CA10: variants seen among roughly 807,000 people sequenced by gnomAD.
CA10 encodes carbonic anhydrase-related protein 10.
A neutral mutation model predicts 44.2 loss-of-function variants in CA10; 14 were observed. The ratio of observed to expected loss-of-function variants is 0.32; its 90% CI spans 0.21 to 0.50. The LOEUF is 0.50. Ranked by LOEUF, CA10 falls within the 20% of genes least tolerant of loss-of-function variation. The pLI is 0.99. For missense variants in CA10, 350 were observed against 409.7 expected (o/e 0.85, Z 1.26); for synonymous variants, 159 against 141.6 (o/e 1.12, Z -0.87).
intron 1 of CA10, among the ~76,000 whole-genome samples, chr17:52,099,075 T>A (rs1194065204): frequency 6.6e-6 from 1 of 152,066 alleles, no homozygotes; most frequent in East Asian, 1.9e-4. Flanking sequence ...GCAGGGTGGC[T>A]CCTATGGACT....
chr17:51,874,566 T>C (rs1979967275), intron 3 of CA10, among the ~76,000 whole-genome samples: 1 of 152,128 alleles, frequency 6.6e-6, no homozygotes, highest in Admixed American at 6.6e-5. Flanking sequence ...GAAAGGCATA[T>C]GAGAGAGCAC....
At chr17:52,024,550 A>T (rs1438027080) in intron 2 of CA10, among the ~76,000 whole-genome samples, 1 of 151,988 alleles carries the variant, frequency 6.6e-6, no homozygotes, top group Non-Finnish European at 1.5e-5. Flanking sequence ...CCCAAGCCAA[A>T]GGGAAGCAGA....
chr17:51,754,819 C>T (rs1905029315), intron 3 of CA10, among the ~76,000 whole-genome samples: 1 of 152,088 alleles, frequency 6.6e-6, no homozygotes, highest in African/African-American at 2.4e-5. Context: ...TTCTATTTGC[C>T]TTCTTTATTA....
chr17:52,158,025 C>G lies in CA10; in HGVS notation c.-239G>C. The stretch of plus-strand genomic sequence containing the variant: ...CGCCCCAGATGTGCTGACACATGTC[C>G]GATGCCTCGCTGCCTTGGAGGTCTC... On this transcript the variant is annotated 5_prime_UTR_variant, in exon 1 of 9. Coordinates refer to ENST00000451037, the MANE Select transcript of CA10 (RefSeq NM_020178.5). 1.7e-6 allele frequency: 1 copy of G among 573,800 alleles called. No individual in the cohort carries two copies. The highest frequency in any genetic ancestry group is 3.1e-6 in the Non-Finnish European group (1 of 319,430). 35.5% of individuals were successfully genotyped at this position (573,800 alleles called of 1,614,324 possible). A position where few individuals can be genotyped will look rare whatever the true frequency, so the allele number is the denominator to read the frequency against.
chr17:52,064,800 G>T (rs138085959), intron 2 of CA10, among the ~76,000 whole-genome samples: 323 of 152,274 alleles, frequency 2.1e-3, no homozygotes, highest in African/African-American at 7.4e-3. Flanking sequence ...TAGCCTGCTA[G>T]GTCCAATGCT....
At chr17:51,761,156 A>T (rs981876357) in intron 3 of CA10, 1 of 152,130 alleles carries the variant, frequency 6.6e-6, no homozygotes, top group African/African-American at 2.4e-5. Flanking sequence ...GGAGGCTTAA[A>T]CACTCCATGA....
chr17:51,829,532 G>A (rs1908151756), intron 3 of CA10, among the ~76,000 whole-genome samples: 1 of 152,174 alleles, frequency 6.6e-6, no homozygotes, highest in Admixed American at 6.5e-5. Context: ...AGTCATGAGG[G>A]ACGTATGCAA....
intron 2 of CA10, among the ~76,000 whole-genome samples, chr17:52,020,768 T>C (rs557675798): frequency 2.0e-5 from 3 of 152,080 alleles, no homozygotes; most frequent in African/African-American, 4.8e-5. Flanking sequence ...GTAGTAAACA[T>C]AGTACCCAAT....
intron 2 of CA10, among the ~76,000 whole-genome samples, chr17:51,997,261 T>C (rs1985269904): frequency 6.6e-6 from 1 of 152,094 alleles, no homozygotes; most frequent in South Asian, 2.1e-4. Flanking sequence ...CTGCACTTGT[T>C]CATAAGCTTT....
chr17:51,774,766 T>G lies in CA10; in HGVS notation c.280-26948A>C, dbSNP rs560894700. On this transcript the variant is annotated intron_variant, in intron 3 of 8. Transcript: ENST00000451037. ...GCCCACTCAAGGTCATCTTCTAGGC[T>G]TCAAGGCCATGGGCCAGAAACCAGT... 8.5e-5 allele frequency among the ~76,000 whole-genome samples: 13 copies of G among 152,292 alleles called. No individual in the cohort carries two copies. The South Asian group carries it at 1.2e-3, about 15-fold the overall frequency.
In CA10 at chr17:51,888,555, TA is replaced by T. The variant is rs549239888; in HGVS notation, c.279+42434del. On this transcript the variant is annotated intron_variant, in intron 3 of 8. Coordinates refer to ENST00000451037, the MANE Select transcript of CA10 (RefSeq NM_020178.5). ...AAATACCTATCTCAATAGATATTTT[TA>T]AATTGCATTCCTCTTTCAAGATCCT... Among the ~76,000 whole-genome samples the T allele has an allele frequency of 2.0e-4, 31 of 152,336 alleles. No individual in the cohort carries two copies. The South Asian group carries it at 5.4e-3, about 26-fold the overall frequency.
At chr17:51,717,960 T>C (rs1369014061) in intron 4 of CA10, among the ~76,000 whole-genome samples, 1 of 145,342 alleles carries the variant, frequency 6.9e-6, no homozygotes, top group African/African-American at 2.6e-5. Flanking sequence ...TTAAGTGAAG[T>C]AACTCAGGAA....
At chr17:51,925,277 C>A (rs895044800) in intron 3 of CA10, among the ~76,000 whole-genome samples, 7 of 152,104 alleles carry the variant, frequency 4.6e-5, no homozygotes, top group African/African-American at 1.7e-4. Flanking sequence ...GTTTCAAGAT[C>A]TTCTACCCTC....
chr17:51,964,998 CACT>C (rs1984029766), intron 2 of CA10, among the ~76,000 whole-genome samples: 1 of 151,686 alleles, frequency 6.6e-6, no homozygotes, highest in African/African-American at 2.4e-5. Context: ...TTCAATAGAC[CACT>C]ACTTAGATTA....
chr17:51,857,835 AC>A (rs1979121397), intron 3 of CA10, among the ~76,000 whole-genome samples: 2 of 152,118 alleles, frequency 1.3e-5, no homozygotes, highest in African/African-American at 4.8e-5. Context: ...AACAAGTAAA[AC>A]AACAACCTCT....
chr17:52,046,874 G>T (rs1986926814), intron 2 of CA10, among the ~76,000 whole-genome samples: 1 of 151,770 alleles, frequency 6.6e-6, no homozygotes, highest in Non-Finnish European at 1.5e-5. Flanking sequence ...TAAAAGGTTG[G>T]TCCAACATTC....
chr17:52,127,870 C>T (rs1989153661), intron 1 of CA10, among the ~76,000 whole-genome samples: 1 of 152,212 alleles, frequency 6.6e-6, no homozygotes, highest in African/African-American at 2.4e-5. Context: ...CTGTGTTTCA[C>T]CTGACCATTA....
chr17:52,102,080 C>T (rs1988553334), intron 1 of CA10, among the ~76,000 whole-genome samples: 1 of 152,138 alleles, frequency 6.6e-6, no homozygotes, highest in African/African-American at 2.4e-5. Context: ...ACCCTGACAC[C>T]AGCAGCTCTG....
At chr17:52,100,425 A>C (rs182325655) in intron 1 of CA10, among the ~76,000 whole-genome samples, 1 of 140,776 alleles carries the variant, frequency 7.1e-6, no homozygotes, top group African/African-American at 2.4e-5. Flanking sequence ...CCCATTCTCA[A>C]GGGCAACAGG....
Sources: allele counts gnomAD v4.1 joint callset (sites outside exome capture counted in the v4.1 genomes callset), GRCh38; gene constraint gnomAD v4.1.1; transcripts MANE v1.5; gene names NCBI Gene and HGNC (gene_info 2026-07-23, HGNC 2026-07-21).